The following SLC30A5 variants were observed in gnomAD, a reference collection of about 807,000 sequenced individuals.
The protein encoded by SLC30A5 is proton-coupled zinc antiporter SLC30A5.
SLC30A5 carries 33 observed loss-of-function variants against 79.6 expected under a neutral mutation model. That is an observed-to-expected ratio of 0.41 (90% CI 0.31 to 0.55). The LOEUF is 0.55. SLC30A5 is among the 20% of genes least tolerant of loss of function. SLC30A5 has a pLI of 0.20. For synonymous variants in SLC30A5, 299 were observed against 319.7 expected, an observed-to-expected ratio of 0.94 and a Z score of 0.69; for missense variants, 788 against 928.1, an observed-to-expected ratio of 0.85 and a Z score of 1.96.
intron 1 of SLC30A5, 44 bp from the exon 2 acceptor site, chr5:69,100,763 T>A: frequency 6.5e-7 from 1 of 1,531,706 alleles, no homozygotes; most frequent in Non-Finnish European, 9.0e-7. Flanking sequence ...GAGCTGCTTG[T>A]AATTTCAGTG....
chr5:69,096,446 T>C (rs1745734162), intron 1 of SLC30A5, among the ~76,000 whole-genome samples: 2 of 152,132 alleles, frequency 1.3e-5, no homozygotes, highest in Non-Finnish European at 2.9e-5. Context: ...TTTGTACTAC[T>C]TACTTAGCAG....
intron 1 of SLC30A5, among the ~76,000 whole-genome samples, chr5:69,099,288 G>A (rs1248346790): frequency 1.3e-5 from 2 of 152,190 alleles, no homozygotes; most frequent in South Asian, 2.1e-4. Flanking sequence ...GTATCGTCCT[G>A]TGTAATTTAT....
At position 69,100,939 on chromosome 5, in the gene SLC30A5, G is replaced by C. The variant is rs770075038; in HGVS notation, c.206+10G>C. 4 of 1,514,094 alleles carry C rather than the reference G, an allele frequency of 2.6e-6. No homozygotes were observed. The highest frequency in any genetic ancestry group is 2.1e-5 in the Admixed American group (1 of 46,594). 93.8% of individuals were successfully genotyped at this position (1,514,094 alleles called of 1,614,324 possible). A position where few individuals can be genotyped will look rare whatever the true frequency, so the allele number is the denominator to read the frequency against. On this transcript the variant is annotated intron_variant, in intron 2 of 15. Transcript: ENST00000396591. Reference sequence around the variant, plus strand: ...TTATATTAAAACTTGGGTGAGTGTGGGGGGGGGTTTTTTCTTGATATTTTT... The same window carrying C: ...TTATATTAAAACTTGGGTGAGTGTGCGGGGGGGTTTTTTCTTGATATTTTT...
chr5:69,108,490 T>C (rs1746145799), intron 5 of SLC30A5, 54 bp downstream of exon 5: 4 of 1,238,404 alleles, frequency 3.2e-6, no homozygotes, highest in Non-Finnish European at 4.8e-6. Flanking sequence ...ATGTCACATA[T>C]TATCCAAAGG....
chr5:69,111,289 G>C (rs1479883230), intron 5 of SLC30A5, among the ~76,000 whole-genome samples: 1 of 150,166 alleles, frequency 6.7e-6, no homozygotes, highest in African/African-American at 2.4e-5. Context: ...ACCACGCCCG[G>C]ACTTTTTTTT....
Position 69,094,212 on chromosome 5 carries a change from A to T in SLC30A5, c.-44A>T. ...TCCGCGGCAGCGGCGAGACATGAGG[A>T]GACCCCGCGACAGGGGCAGCGGCGG... On this transcript the variant is annotated 5_prime_UTR_variant, in exon 1 of 16. The change creates a premature stop within an existing upstream ORF in the 5' untranslated region. Coordinates refer to ENST00000396591, the MANE Select transcript of SLC30A5 (RefSeq NM_022902.5). 1 of 1,015,804 alleles carries T rather than the reference A, an allele frequency of 9.8e-7. No homozygotes were observed. Among genetic ancestry groups the T allele is most frequent in the Non-Finnish European group, 1.3e-6 (1 of 774,014 alleles). 62.9% of individuals were successfully genotyped at this position (1,015,804 alleles called of 1,614,324 possible).
Position 69,130,722 on chromosome 5 carries a change from TAA to T in SLC30A5, c.*1107_*1108del. ...TTTCCAGTTGTAACTAGATATGTAGTAAAGTCTGAAAAGACTTTACCATAGAC... is the reference window on the plus strand; with the variant it reads ...TTTCCAGTTGTAACTAGATATGTAGTAGTCTGAAAAGACTTTACCATAGAC... On this transcript the variant is annotated 3_prime_UTR_variant, in exon 16 of 16. Coordinates refer to ENST00000396591, the MANE Select transcript of SLC30A5 (RefSeq NM_022902.5). The T allele has an allele frequency of 6.6e-6, 1 of 152,300 alleles. No homozygotes were observed. Among genetic ancestry groups the T allele is most frequent in the East Asian group, 1.9e-4 (1 of 5,190 alleles). 9.4% of individuals were successfully genotyped at this position (152,300 alleles called of 1,614,324 possible). A position where few individuals can be genotyped will look rare whatever the true frequency, so the allele number is the denominator to read the frequency against.
At chr5:69,127,961 A>G (rs774884158) in intron 14 of SLC30A5, 43 bp from the exon 15 acceptor site, 1 of 1,555,268 alleles carries the variant, frequency 6.4e-7, no homozygotes, top group South Asian at 1.1e-5. Flanking sequence ...TGTTGTGTAA[A>G]GTAGCCTGTA....
At chr5:69,097,207 C>T (rs868248769) in intron 1 of SLC30A5, among the ~76,000 whole-genome samples, 1 of 150,372 alleles carries the variant, frequency 6.7e-6, no homozygotes, top group Admixed American at 6.6e-5. Flanking sequence ...GCTCCGCCTC[C>T]CGGATTCGCA....
Position 69,129,447 on chromosome 5 carries a change from G to C in SLC30A5, c.2128G>C (p.Val710Leu). Residue 710 changes from valine to leucine, a missense_variant and splice_region_variant, in exon 16 of 16, where the codon GTT becomes CTT. Physicochemically the swap from Val to Leu is conservative, Grantham distance 32 (BLOSUM62 1). This residue lies in a region of SLC30A5 where 158 missense variants were observed against 156.2 expected (regional missense o/e 1.01). Transcript: ENST00000396591. ...CAAAATATCTGGATTTTTATAACAG[G>C]TTACAGGAATACTTAAAGATGCTGG... ...DVLEQRIVQQVTGILKDAGVN... is the reference protein window; with the variant it reads ...DVLEQRIVQQLTGILKDAGVN... 6.2e-7 allele frequency: 1 copy of C among 1,609,036 alleles called. No homozygotes were observed. The highest frequency in any genetic ancestry group is 8.5e-7 in the Non-Finnish European group (1 of 1,177,760).
chr5:69,124,350 C>T (rs1443246666), intron 14 of SLC30A5, among the ~76,000 whole-genome samples: 10 of 151,630 alleles, frequency 6.6e-5, no homozygotes, highest in Non-Finnish European at 1.3e-4. Context: ...AATAGGTTGT[C>T]CAGAAACAGA....
rs1746793710 is a variant in SLC30A5, at chr5:69,129,508, C to T, written c.2189C>T (p.Ala730Val). ...TTAACAATTCAAGTGGAAAAGGAGG[C>T]ATACTTTCAACATATGTCTGGCCTA... ...NNLTIQVEKE[A>V]YFQHMSGLST... Residue 730 changes from alanine (A) to valine (V), a missense_variant, in exon 16 of 16, where the codon GCA becomes GTA. Physicochemically the swap from Ala to Val is moderately conservative, Grantham distance 64. Coordinates refer to ENST00000396591, the MANE Select transcript of SLC30A5 (RefSeq NM_022902.5). 1 of 1,613,354 alleles carries T rather than the reference C, an allele frequency of 6.2e-7. No homozygotes were observed. Among genetic ancestry groups the T allele is most frequent in the South Asian group, 1.1e-5 (1 of 91,032 alleles).
At chr5:69,113,254 G>T (rs753604183) in intron 6 of SLC30A5, 27 bp downstream of exon 6, 1 of 1,576,922 alleles carries the variant, frequency 6.3e-7, no homozygotes. Flanking sequence ...GATCAGAGTT[G>T]TTTCAAGTCT....
chr5:69,118,299 G>GTGTGTGTATATATATATATATATA (rs1746434346), intron 11 of SLC30A5, 200 bp from the exon 12 acceptor site: 1 of 141,694 alleles, frequency 7.1e-6, no homozygotes, highest in Non-Finnish European at 1.4e-5. Flanking sequence ...TATATAACGT[G>GTGTGTGTATATATATATATATATA]TATATATATG....
At chr5:69,122,653 A>G (rs1746568009) in intron 13 of SLC30A5, among the ~76,000 whole-genome samples, 1 of 152,194 alleles carries the variant, frequency 6.6e-6, no homozygotes, top group Non-Finnish European at 1.5e-5. Context: ...GACTCTATCC[A>G]AAACAAAAAG....
At chr5:69,106,013 G>A (rs1650929450) in intron 4 of SLC30A5, among the ~76,000 whole-genome samples, 1 of 152,178 alleles carries the variant, frequency 6.6e-6, no homozygotes, top group South Asian at 2.1e-4. Context: ...AAAAAGGTTG[G>A]GGACCACTGT....
chr5:69,122,298 G>A (rs1451564591), intron 13 of SLC30A5, among the ~76,000 whole-genome samples: 2 of 152,142 alleles, frequency 1.3e-5, no homozygotes, highest in Non-Finnish European at 2.9e-5. Context: ...TCAGGAGGCC[G>A]AGGCAGAAGA....
intron 2 of SLC30A5, among the ~76,000 whole-genome samples, chr5:69,102,282 G>C (rs1313335242): frequency 6.6e-6 from 1 of 151,372 alleles, no homozygotes; most frequent in African/African-American, 2.4e-5. Context: ...TCCAACTCCT[G>C]ACCTCAGGTG....
rs1746693361 is a variant in SLC30A5 at position 69,126,544 on chromosome 5, C to T, written c.1999-1460C>T. ...TTGGGAGGCCGAGGCGGGCGGATCA[C>T]AAGGTCAGGAGTTTGAGACCAGCCT... On this transcript the variant is annotated intron_variant, in intron 14 of 15. Transcript: ENST00000396591. Among the ~76,000 whole-genome samples the T allele has an allele frequency of 2.0e-5, 3 of 152,200 alleles. No individual in the cohort carries two copies. The Middle Eastern group carries it at 0.01, about 521-fold the overall frequency.
Sources: allele counts gnomAD v4.1 joint callset (sites outside exome capture counted in the v4.1 genomes callset), GRCh38; gene constraint gnomAD v4.1.1; regional missense constraint gnomAD v4.1.1; transcripts MANE v1.5; gene names NCBI Gene and HGNC (gene_info 2026-07-23, HGNC 2026-07-21).